The following IER3IP1 variants were observed in gnomAD, a reference collection of about 807,000 sequenced individuals.
IER3IP1 encodes immediate early response 3-interacting protein 1.
In IER3IP1, 16 loss-of-function variants were observed where a neutral mutation model predicts 12.2. The observed-to-expected ratio is 1.31, with a 90% confidence interval of 0.89 to 1.99. The LOEUF (loss-of-function observed/expected upper bound fraction) is 1.99. IER3IP1 is among the 30% of genes most tolerant of loss of function. IER3IP1 has a pLI of 0.00. For missense variants in IER3IP1, 95 were observed against 95.8 expected (o/e 0.99, Z 0.03); for synonymous variants, 42 against 40.0 (o/e 1.05, Z -0.19).
Position 47,174,281 on chromosome 18 carries a change from C to A in IER3IP1, c.91+1906G>T, listed in dbSNP as rs2064024329. ...TTCCACTGGAAAACAGAAACTCTCT[C>A]ATAGAGTTGCTGTGAAGGCTACACC... On this transcript the variant is annotated intron_variant, in intron 1 of 2. Coordinates refer to ENST00000256433, the MANE Select transcript of IER3IP1 (RefSeq NM_016097.5). Among the ~76,000 whole-genome samples, 4 of 152,182 alleles carry A rather than the reference C, an allele frequency of 2.6e-5. No homozygotes were observed. The South Asian group carries it at 8.3e-4, about 32-fold the overall frequency.
chr18:47,157,361 A>G, intron 2 of IER3IP1, 75 bp downstream of exon 2: 1 of 1,219,690 alleles, frequency 8.2e-7, no homozygotes, highest in Non-Finnish European at 1.2e-6. Context: ...CATATATGGT[A>G]TTCACACTCA....
rs1195666405 is a variant in IER3IP1 at position 47,155,926 on chromosome 18, T to A, written c.*251A>T. 2.3e-6 allele frequency: 1 copy of A among 436,614 alleles called. No homozygotes were observed. Among genetic ancestry groups the A allele is most frequent in the Non-Finnish European group, 4.1e-6 (1 of 245,098 alleles). 27.0% of individuals were successfully genotyped at this position (436,614 alleles called of 1,614,324 possible). ...AATCTCACCACAGCATGAACTACTA[T>A]TAACACTGAGCAATCAGATATTCCA... On this transcript the variant is annotated 3_prime_UTR_variant, in exon 3 of 3. Coordinates refer to ENST00000256433, the MANE Select transcript of IER3IP1 (RefSeq NM_016097.5).
chr18:47,170,376 T>G (rs956396670), intron 1 of IER3IP1, among the ~76,000 whole-genome samples: 2 of 152,130 alleles, frequency 1.3e-5, no homozygotes, highest in African/African-American at 4.8e-5. Context: ...AAGATTGTCT[T>G]GACTATTCTG....
chr18:47,171,072 A>ATT (rs60947975), intron 1 of IER3IP1, among the ~76,000 whole-genome samples: 61 of 149,978 alleles, frequency 4.1e-4, no homozygotes, highest in African/African-American at 9.8e-4. Context: ...TTTGTTGAGT[A>ATT]TTTTTTTTTT....
At chr18:47,164,100 A>G (rs1010835463) in intron 1 of IER3IP1, among the ~76,000 whole-genome samples, 8 of 152,102 alleles carry the variant, frequency 5.3e-5, no homozygotes, top group Admixed American at 3.9e-4. Context: ...TTGCTTAAAC[A>G]TATTTTTTCA....
intron 1 of IER3IP1, among the ~76,000 whole-genome samples, chr18:47,163,311 C>T (rs1439154972): frequency 6.6e-6 from 1 of 152,134 alleles, no homozygotes; most frequent in Non-Finnish European, 1.5e-5. Flanking sequence ...AAGACAACTG[C>T]TAAGTGACTA....
Position 47,154,658 on chromosome 18 carries a change from G to A in IER3IP1, c.*1519C>T, listed in dbSNP as rs1217028356. ...TTCTTTGTAAGGCTAAAAGAACACG[G>A]CCTCTAAGTACCAAATTAGTCATTC... On this transcript the variant is annotated 3_prime_UTR_variant, in exon 3 of 3. Coordinates refer to ENST00000256433, the MANE Select transcript of IER3IP1 (RefSeq NM_016097.5). The A allele has an allele frequency of 1.3e-5, 2 of 152,126 alleles. No individual in the cohort carries two copies. Among genetic ancestry groups the A allele is most frequent in the East Asian group, 3.9e-4 (2 of 5,184 alleles). The allele number at this position is 152,126 out of a possible 1,614,324, so 9.4% of individuals were successfully genotyped here.
chr18:47,157,471 A>G lies in IER3IP1; in HGVS notation c.158T>C (p.Met53Thr), dbSNP rs968915916. Reference protein sequence around the residue: ...GEEPGIKSQLMNLIRSVRTVM... With the variant: ...GEEPGIKSQLTNLIRSVRTVM... Reference sequence around the variant, plus strand: ...GGTTCTTACAGATCGAATAAGGTTCATTAGCTGTGATTTAATTCCCGGCTC... The same window carrying G: ...GGTTCTTACAGATCGAATAAGGTTCGTTAGCTGTGATTTAATTCCCGGCTC... The change falls in exon 2 of 3, where the codon ATG becomes ACG. Residue 53 changes from methionine to threonine, a missense_variant. Met to Thr is a moderately conservative substitution (Grantham distance 81). Transcript: ENST00000256433. 1 of 1,613,990 alleles carries G rather than the reference A, an allele frequency of 6.2e-7. No individual in the cohort carries two copies. The highest frequency in any genetic ancestry group is 1.3e-5 in the African/African-American group (1 of 74,928).
At chr18:47,161,918 T>G (rs1251040266) in intron 1 of IER3IP1, among the ~76,000 whole-genome samples, 2 of 151,672 alleles carry the variant, frequency 1.3e-5, no homozygotes, top group Non-Finnish European at 2.9e-5. Flanking sequence ...CATTAGATTC[T>G]TACAAGGAGT....
chr18:47,162,893 AT>A (rs554792245), intron 1 of IER3IP1, among the ~76,000 whole-genome samples: 141 of 151,202 alleles, frequency 9.3e-4, no homozygotes, highest in Middle Eastern at 3.4e-3. Flanking sequence ...AATAAAAGTC[AT>A]TTTTTTTTAC....
chr18:47,168,743 G>C (rs1369409169), intron 1 of IER3IP1, among the ~76,000 whole-genome samples: 1 of 152,190 alleles, frequency 6.6e-6, no homozygotes, highest in East Asian at 1.9e-4. Flanking sequence ...TTGTATAAGA[G>C]TGAAACTGTA....
chr18:47,164,778 C>CA (rs532684692), intron 1 of IER3IP1, among the ~76,000 whole-genome samples: 13,476 of 132,214 alleles, frequency 0.1, 1,458 homozygotes, highest in African/African-American at 0.28. Context: ...ACCCTCTTTC[C>CA]AAAAAAAAAA....
chr18:47,156,035 A>G lies in IER3IP1; in HGVS notation c.*142T>C. 6.2e-6 allele frequency: 4 copies of G among 643,904 alleles called. No individual in the cohort carries two copies. In the South Asian group the frequency reaches 7.3e-5, roughly 12 times the overall value. The allele number at this position is 643,904 out of a possible 1,614,324, so 39.9% of individuals were successfully genotyped here. A position where few individuals can be genotyped will look rare whatever the true frequency, so the allele number is the denominator to read the frequency against. The stretch of plus-strand genomic sequence containing the variant: ...ACATTAAAAAAAAAAACAGATAAAT[A>G]GAAACCCTGGTTTTATTTTCAGCTT... On this transcript the variant is annotated 3_prime_UTR_variant, in exon 3 of 3. Transcript: ENST00000256433.
chr18:47,171,568 C>T (rs1009134082), intron 1 of IER3IP1, among the ~76,000 whole-genome samples: 7 of 152,184 alleles, frequency 4.6e-5, no homozygotes, highest in South Asian at 2.1e-4. Context: ...TTCCCATTTA[C>T]TTGAGTCTAG....
chr18:47,174,121 G>C (rs182925716), intron 1 of IER3IP1, among the ~76,000 whole-genome samples: 1 of 152,296 alleles, frequency 6.6e-6, no homozygotes, highest in Non-Finnish European at 1.5e-5. Flanking sequence ...ACCCCAACTT[G>C]ATCCCTTCTA....
chr18:47,164,111 C>T (rs1027070249), intron 1 of IER3IP1, among the ~76,000 whole-genome samples: 11 of 151,678 alleles, frequency 7.3e-5, no homozygotes, highest in Non-Finnish European at 2.9e-5. Flanking sequence ...TATTTTTTCA[C>T]ATGTGAGATG....
intron 1 of IER3IP1, among the ~76,000 whole-genome samples, chr18:47,158,093 C>G (rs77615793): frequency 0.053 from 8,000 of 152,172 alleles, 258 homozygotes; most frequent in East Asian, 0.092. Context: ...TCTTGAAAAT[C>G]CAAAAGATCA....
At position 47,154,998 on chromosome 18, in the gene IER3IP1, C is replaced by G. The variant is rs993929957; in HGVS notation, c.*1179G>C. On this transcript the variant is annotated 3_prime_UTR_variant, in exon 3 of 3. Transcript: ENST00000256433. ...TGTTCACCCAAAATGGAGATTAATG[C>G]AGTTAACACTGACAGGTTTATACTA... 2.0e-5 allele frequency: 3 copies of G among 152,118 alleles called. No individual in the cohort carries two copies. Among genetic ancestry groups the G allele is most frequent in the African/African-American group, 7.2e-5 (3 of 41,426 alleles). The allele number at this position is 152,118 out of a possible 1,614,324, so 9.4% of individuals were successfully genotyped here.
chr18:47,174,668 C>CAA (rs1293825170), intron 1 of IER3IP1, among the ~76,000 whole-genome samples: 6,459 of 128,536 alleles, frequency 0.05, 195 homozygotes, highest in East Asian at 0.096. Flanking sequence ...GACTCCGTCT[C>CAA]AAAAAAAAAA....
Sources: allele counts gnomAD v4.1 joint callset (sites outside exome capture counted in the v4.1 genomes callset), GRCh38; gene constraint gnomAD v4.1.1; transcripts MANE v1.5; gene names NCBI Gene and HGNC (gene_info 2026-07-23, HGNC 2026-07-21).